GGCX: variants seen among roughly 807,000 people sequenced by gnomAD.
The protein encoded by GGCX is gamma-glutamyl carboxylase.
In GGCX, 63 loss-of-function variants were observed where a neutral mutation model predicts 88.5. That is an observed-to-expected ratio of 0.71 (90% CI 0.58 to 0.88). The LOEUF is 0.88. Among genes scored for constraint, GGCX ranks in the 40% least tolerant of loss-of-function variants. The probability of loss-of-function intolerance (pLI) is 0.00; values close to 1 mark genes in which losing one functional copy is unlikely to be tolerated. For synonymous variants in GGCX, 368 were observed against 365.8 expected (o/e 1.01, Z -0.07); for missense variants, 805 against 932.9 (o/e 0.86, Z 1.79).
intron 1 of GGCX, 86 bp from the exon 2 acceptor site, chr2:85,561,071 T>C: frequency 8.5e-7 from 1 of 1,178,758 alleles, no homozygotes; most frequent in Admixed American, 1.7e-5. Flanking sequence ...AGCTCAGAGC[T>C]TCCGCCCACC....
intron 5 of GGCX, 58 bp from the exon 6 acceptor site, chr2:85,555,648 A>G (rs1196784950): frequency 1.0e-6 from 1 of 954,050 alleles, no homozygotes; most frequent in East Asian, 2.4e-5. Context: ...ACAGATAGGC[A>G]AGAATAAAAT....
chr2:85,556,982 C>T (rs1386408524), intron 4 of GGCX, among the ~76,000 whole-genome samples: 2 of 152,158 alleles, frequency 1.3e-5, no homozygotes, highest in Non-Finnish European at 2.9e-5. Context: ...AAAATGTGAA[C>T]AGGCCAGGCT....
chr2:85,561,481 GC>G lies in GGCX; in HGVS notation c.-54del. The G allele has an allele frequency of 1.4e-6, 2 of 1,389,796 alleles. No individual in the cohort carries two copies. The highest frequency in any genetic ancestry group is 2.0e-6 in the Non-Finnish European group (2 of 1,002,172). The allele number at this position is 1,389,796 out of a possible 1,614,324, so 86.1% of individuals were successfully genotyped here. A position where few individuals can be genotyped will look rare whatever the true frequency, so the allele number is the denominator to read the frequency against. On this transcript the variant is annotated 5_prime_UTR_variant, in exon 1 of 15. Transcript: ENST00000233838. ...CAGCTGCCGCGTCTGAACGGAGGCC[GC>G]CAGGAGAATTTGCTTCCCTAGGCTC... is the stretch of plus-strand genomic sequence containing the variant.
chr2:85,560,139 C>T (rs1692367010), intron 2 of GGCX, among the ~76,000 whole-genome samples: 1 of 152,152 alleles, frequency 6.6e-6, no homozygotes, highest in Non-Finnish European at 1.5e-5. Context: ...ATTCCAAGCA[C>T]ACCATGCTGC....
At chr2:85,550,810 C>T (rs1446686895) in intron 13 of GGCX, 60 bp from the exon 14 acceptor site, 13 of 1,585,786 alleles carry the variant, frequency 8.2e-6, no homozygotes, top group Non-Finnish European at 1.1e-5. Context: ...CCCCTTAGAA[C>T]TCCTCTTCTG....
Position 85,561,475 on chromosome 2 carries a change from G to C in GGCX, c.-47C>G, listed in dbSNP as rs201740703. On this transcript the variant is annotated 5_prime_UTR_variant, in exon 1 of 15. Transcript: ENST00000233838. The stretch of plus-strand genomic sequence containing the variant: ...GGGTCACAGCTGCCGCGTCTGAACG[G>C]AGGCCGCCAGGAGAATTTGCTTCCC... 4.2e-6 allele frequency: 6 copies of C among 1,441,406 alleles called. No homozygotes were observed. In the Admixed American group the frequency reaches 6.0e-5, roughly 14 times the overall value. The allele number at this position is 1,441,406 out of a possible 1,614,324, so 89.3% of individuals were successfully genotyped here. A position where few individuals can be genotyped will look rare whatever the true frequency, so the allele number is the denominator to read the frequency against.
intron 6 of GGCX, 113 bp downstream of exon 6, chr2:85,555,371 G>C: frequency 1.4e-6 from 1 of 700,552 alleles, no homozygotes; most frequent in Non-Finnish European, 2.7e-6. Flanking sequence ...GTGGACAAAG[G>C]AAGGCATGTG....
Position 85,551,062 on chromosome 2 carries a change from C to T in GGCX, c.1751G>A (p.Gly584Asp), listed in dbSNP as rs749158634. 2 of 1,613,982 alleles carry T rather than the reference C, an allele frequency of 1.2e-6. No individual in the cohort carries two copies. Among genetic ancestry groups the T allele is most frequent in the Admixed American group, 1.7e-5 (1 of 60,028 alleles). ...REGEKMQLPA[G>D]EYHKVYTTSP... ...TGTCGTATACACCTTATGGTACTCA[C>T]CAGCAGGCAACTGACAAGGGAGAAG... The change falls in exon 13 of 15, where the codon GGT (glycine) becomes GAT (aspartate). Residue 584 changes from glycine to aspartate, a missense_variant. Gly to Asp is a moderately conservative substitution (Grantham distance 94, BLOSUM62 -1). Transcript: ENST00000233838.
In GGCX at chr2:85,550,061, G is replaced by A. The variant is rs1237439714; in HGVS notation, c.2150C>T (p.Ala717Val). 2 of 1,611,698 alleles carry A rather than the reference G, an allele frequency of 1.2e-6. No homozygotes were observed. Among genetic ancestry groups the A allele is most frequent in the Non-Finnish European group, 1.7e-6 (2 of 1,177,848 alleles). Residue 717 changes from alanine (A) to valine (V), a missense_variant, in exon 15 of 15, where the codon GCC becomes GTC. Coordinates refer to ENST00000233838, the MANE Select transcript of GGCX (RefSeq NM_000821.7). The stretch of plus-strand genomic sequence containing the variant: ...CAAGTTTGCATAAGTCACCTCCTGG[G>A]CCAGCTGCTCCAGGGAAGGACGGCC... ...ILGRPSLEQL[A>V]QEVTYANLRP...
intron 12 of GGCX, 126 bp from the exon 13 acceptor site, chr2:85,551,198 C>G: frequency 4.1e-6 from 4 of 978,232 alleles, no homozygotes; most frequent in Non-Finnish European, 6.4e-6. Context: ...TAACGGACCT[C>G]TAGAATCCTG....
chr2:85,556,656 G>C (rs1171722084), intron 4 of GGCX, among the ~76,000 whole-genome samples: 1 of 152,154 alleles, frequency 6.6e-6, no homozygotes, highest in South Asian at 2.1e-4. Flanking sequence ...ACCCTCAACA[G>C]CAGAGTAACA....
rs1231872529 is a variant in GGCX at position 85,549,396 on chromosome 2, T to G, written c.*538A>C. 6.1e-6 allele frequency: 1 copy of G among 164,492 alleles called. No homozygotes were observed. Among genetic ancestry groups the G allele is most frequent in the Non-Finnish European group, 1.3e-5 (1 of 75,002 alleles). 10.2% of individuals were successfully genotyped at this position (164,492 alleles called of 1,614,324 possible). A position where few individuals can be genotyped will look rare whatever the true frequency, so the allele number is the denominator to read the frequency against. On this transcript the variant is annotated 3_prime_UTR_variant, in exon 15 of 15. Transcript: ENST00000233838. The stretch of plus-strand genomic sequence containing the variant: ...ATTTATTTATTTTGAGACGAAGTCT[T>G]GCTCTGTTGCCCAGGAGTGCAGTGG...
intron 12 of GGCX, 76 bp from the exon 13 acceptor site, chr2:85,551,148 C>G (rs1558805645): frequency 7.4e-7 from 1 of 1,346,998 alleles, no homozygotes; most frequent in Non-Finnish European, 1.1e-6. Flanking sequence ...CTCTATGACT[C>G]TTGGCTTCTT....
Position 85,546,739 on chromosome 2 carries a change from C to T in GGCX, c.*3195G>A, listed in dbSNP as rs1691685840. The T allele has an allele frequency of 6.6e-6, 1 of 152,192 alleles. No individual in the cohort carries two copies. Among genetic ancestry groups the T allele is most frequent in the African/African-American group, 2.4e-5 (1 of 41,442 alleles). The allele number at this position is 152,192 out of a possible 1,614,324, so 9.4% of individuals were successfully genotyped here. On this transcript the variant is annotated 3_prime_UTR_variant, in exon 15 of 15. Transcript: ENST00000233838. The stretch of plus-strand genomic sequence containing the variant: ...AATCTGTTGGGAAGTAGGGGGAGGG[C>T]AAGGTTAAAACCTATGCAGGTGTGT...
chr2:85,550,472 G>T, intron 14 of GGCX, 83 bp downstream of exon 14: 1 of 970,530 alleles, frequency 1.0e-6, no homozygotes, highest in Non-Finnish European at 1.7e-6. Context: ...CTGTATGACA[G>T]TCTCTAGAGT....
rs776620258 is a variant in GGCX at position 85,555,614 on chromosome 2, G to A, written c.619-24C>T. 8 of 1,264,124 alleles carry A rather than the reference G, an allele frequency of 6.3e-6. No individual in the cohort carries two copies. The South Asian group carries it at 8.3e-5, about 13-fold the overall frequency. 78.3% of individuals were successfully genotyped at this position (1,264,124 alleles called of 1,614,324 possible). ...ATCTGAAAATAAAATGTGACACAAA[G>A]TTCAAGCAAAAAGAATCTTTTCTAC... On this transcript the variant is annotated intron_variant, in intron 5 of 14. Coordinates refer to ENST00000233838, the MANE Select transcript of GGCX (RefSeq NM_000821.7).
At chr2:85,556,373 C>T (rs966488356) in intron 4 of GGCX, 113 bp from the exon 5 acceptor site, 18 of 734,466 alleles carry the variant, frequency 2.5e-5, no homozygotes, top group African/African-American at 2.1e-4. Flanking sequence ...CCCATATCCT[C>T]CCTGGTTATT....
rs1692037172 is a variant in GGCX, at chr2:85,553,042, T to C, written c.1184A>G (p.Tyr395Cys). 1 of 1,614,160 alleles carries C rather than the reference T, an allele frequency of 6.2e-7. No homozygotes were observed. Among genetic ancestry groups the C allele is most frequent in the African/African-American group, 1.3e-5 (1 of 75,060 alleles). Residue 395 changes from tyrosine (Y) to cysteine (C), a missense_variant, in exon 9 of 15, where the codon TAT (tyrosine) becomes TGT (cysteine). By Grantham distance (194) the Tyr-to-Cys change is radical. Coordinates refer to ENST00000233838, the MANE Select transcript of GGCX (RefSeq NM_000821.7). ...CACCATCATGTCCCAGGAATAGCCA[T>C]ACAGCCCATTTGTCCAGTTGTTATA... The part of the protein sequence containing the change: ...QGYNNWTNGL[Y>C]GYSWDMMVHS...
chr2:85,560,205 G>A (rs1031467160), intron 2 of GGCX, among the ~76,000 whole-genome samples: 1 of 152,274 alleles, frequency 6.6e-6, no homozygotes, highest in East Asian at 1.9e-4. Flanking sequence ...TATGGTCCCT[G>A]TGGCCCCCTG....
Sources: gnomAD v4.1 joint callset for allele counts (sites outside exome capture counted in the v4.1 genomes callset) on GRCh38, gnomAD v4.1.1 for gene constraint, MANE v1.5 for transcripts, NCBI Gene and HGNC (gene_info 2026-07-23, HGNC 2026-07-21) for gene names.